The following ADAMTS3 variants were observed in gnomAD, a reference collection of about 807,000 sequenced individuals.
ADAMTS3 encodes the protein A disintegrin and metalloproteinase with thrombospondin motifs 3.
In ADAMTS3, 73 loss-of-function variants were observed where a neutral mutation model predicts 129.0. The ratio of observed to expected loss-of-function variants is 0.57; its 90% CI spans 0.47 to 0.69. The LOEUF (loss-of-function observed/expected upper bound fraction) is 0.69, where lower values mean the gene tolerates loss of function less well. Among genes scored for constraint, ADAMTS3 ranks in the 30% least tolerant of loss-of-function variants. The pLI is 0.00. For synonymous variants in ADAMTS3, 477 were observed against 510.8 expected (o/e 0.93, Z 0.89); for missense variants, 1,457 against 1,514.5 (o/e 0.96, Z 0.63).
intron 9 of ADAMTS3, among the ~76,000 whole-genome samples, chr4:72,318,905 T>TA (rs1719476509): frequency 6.6e-6 from 1 of 152,152 alleles, no homozygotes; most frequent in South Asian, 2.1e-4. Flanking sequence ...GCCAGGAAAG[T>TA]AAACCAAGCA....
chr4:72,492,756 T>C (rs1719779695), intron 3 of ADAMTS3, among the ~76,000 whole-genome samples: 1 of 151,874 alleles, frequency 6.6e-6, no homozygotes, highest in African/African-American at 2.4e-5. Context: ...CTGTTTATGG[T>C]TGATATTCAT....
At chr4:72,420,606 C>A (rs987866585) in intron 3 of ADAMTS3, among the ~76,000 whole-genome samples, 9 of 152,286 alleles carry the variant, frequency 5.9e-5, no homozygotes, top group South Asian at 2.1e-4. Context: ...CACCACTGCC[C>A]TTCTGGTCAG....
At chr4:72,331,308 C>T (rs1187776353) in intron 5 of ADAMTS3, among the ~76,000 whole-genome samples, 2 of 152,040 alleles carry the variant, frequency 1.3e-5, no homozygotes, top group Non-Finnish European at 2.9e-5. Context: ...GTTCAATCCA[C>T]ATTGGGGAAA....
At chr4:72,295,597 A>C in intron 19 of ADAMTS3, 57 bp downstream of exon 19, 1 of 1,550,080 alleles carries the variant, frequency 6.5e-7, no homozygotes, top group Non-Finnish European at 8.8e-7. Flanking sequence ...AAAAGAGCTA[A>C]AGGCAGTGAA....
chr4:72,369,259 A>C (rs1720944891), intron 4 of ADAMTS3, among the ~76,000 whole-genome samples: 4 of 152,184 alleles, frequency 2.6e-5, no homozygotes, highest in African/African-American at 7.2e-5. Context: ...TTACCCAAGA[A>C]CAACTTTTCA....
chr4:72,341,807 A>G (rs1238452611), intron 4 of ADAMTS3, among the ~76,000 whole-genome samples: 3 of 152,206 alleles, frequency 2.0e-5, no homozygotes, highest in African/African-American at 7.2e-5. Context: ...TTTTTATTGC[A>G]TAAGAAACCT....
intron 4 of ADAMTS3, among the ~76,000 whole-genome samples, chr4:72,379,703 C>A (rs1049565955): frequency 2.0e-5 from 3 of 151,992 alleles, no homozygotes; most frequent in Admixed American, 6.6e-5. Flanking sequence ...AGTTTTCTGG[C>A]AAATCTGTAG....
chr4:72,423,246 C>T (rs1871812), intron 3 of ADAMTS3, among the ~76,000 whole-genome samples: 101,530 of 151,958 alleles, frequency 0.67, 34,097 homozygotes, highest in South Asian at 0.79. Context: ...TCTGTTACAA[C>T]CTTATACTAG....
At chr4:72,555,960 C>T (rs1336708155) in intron 2 of ADAMTS3, among the ~76,000 whole-genome samples, 2 of 151,698 alleles carry the variant, frequency 1.3e-5, no homozygotes, top group Non-Finnish European at 1.5e-5. Context: ...CCCTGTCATG[C>T]CTCCTGTATA....
At position 72,339,643 on chromosome 4, in the gene ADAMTS3, G is replaced by C. The variant is rs1444827098; in HGVS notation, c.712C>G (p.His238Asp). 4 of 1,613,872 alleles carry C rather than the reference G, an allele frequency of 2.5e-6. No individual in the cohort carries two copies. The change falls in exon 5 of 22, where the codon CAC becomes GAC. Residue 238 changes from histidine (H) to aspartate (D), a missense_variant. Coordinates refer to ENST00000286657, the MANE Select transcript of ADAMTS3 (RefSeq NM_014243.3). ...DDLGTVYGNIHQQLNETMRRR... is the reference protein window; with the variant it reads ...DDLGTVYGNIDQQLNETMRRR... Reference sequence around the variant, plus strand: ...CTCATTGTTTCATTCAGCTGCTGGTGGATGTTGCCATAAACAGTACCTAGA... The same window carrying C: ...CTCATTGTTTCATTCAGCTGCTGGTCGATGTTGCCATAAACAGTACCTAGA...
intron 3 of ADAMTS3, among the ~76,000 whole-genome samples, chr4:72,485,475 C>A (rs1382665491): frequency 5.3e-5 from 8 of 151,952 alleles, no homozygotes; most frequent in Admixed American, 4.6e-4. Context: ...CATTATCTTC[C>A]AGGCTTAATT....
intron 3 of ADAMTS3, among the ~76,000 whole-genome samples, chr4:72,474,571 C>G (rs1719173738): frequency 6.6e-6 from 1 of 151,608 alleles, no homozygotes; most frequent in African/African-American, 2.4e-5. Flanking sequence ...AAACAATATA[C>G]TTAAAAAAAA....
intron 4 of ADAMTS3, among the ~76,000 whole-genome samples, chr4:72,344,287 T>C (rs572819639): frequency 7.2e-5 from 11 of 152,104 alleles, no homozygotes; most frequent in African/African-American, 1.7e-4. Context: ...ATCATACTTA[T>C]AGGAAATCAA....
At chr4:72,380,595 C>T (rs1270250860) in intron 4 of ADAMTS3, among the ~76,000 whole-genome samples, 4 of 152,078 alleles carry the variant, frequency 2.6e-5, no homozygotes, top group Non-Finnish European at 5.9e-5. Flanking sequence ...TCTGGTAAGA[C>T]AAGAACACCA....
chr4:72,287,447 G>C (rs569572110), intron 21 of ADAMTS3, among the ~76,000 whole-genome samples: 3 of 148,048 alleles, frequency 2.0e-5, no homozygotes, highest in African/African-American at 5.0e-5. Flanking sequence ...TGAAGGGGAG[G>C]ACACCGAGAA....
intron 3 of ADAMTS3, among the ~76,000 whole-genome samples, chr4:72,539,160 G>A (rs1721254238): frequency 6.6e-6 from 1 of 151,888 alleles, no homozygotes; most frequent in Non-Finnish European, 1.5e-5. Flanking sequence ...AAATAAATTG[G>A]ACTTCATGAA....
chr4:72,488,763 G>A (rs1186114788), intron 3 of ADAMTS3, among the ~76,000 whole-genome samples: 1 of 151,796 alleles, frequency 6.6e-6, no homozygotes, highest in Non-Finnish European at 1.5e-5. Context: ...ACCTCATGTA[G>A]TCATCAATAT....
rs113759552 is a variant in ADAMTS3, at chr4:72,514,642, T to C, written c.504+33836A>G. Among the ~76,000 whole-genome samples, 944 of 152,278 alleles carry C rather than the reference T, an allele frequency of 6.2e-3. 18 individuals carry two copies. The highest frequency in any genetic ancestry group is 0.022 in the African/African-American group (896 of 41,566). ...CCTGTAGTTAGTATTCACTACCGAC[T>C]GGATGGTAAACTTTTTGAGAGTAAG... On this transcript the variant is annotated intron_variant, in intron 3 of 21. Coordinates refer to ENST00000286657, the MANE Select transcript of ADAMTS3 (RefSeq NM_014243.3).
chr4:72,567,280 G>A (rs1722040948), intron 2 of ADAMTS3, 94 bp downstream of exon 2: 1 of 1,254,976 alleles, frequency 8.0e-7, no homozygotes, highest in Non-Finnish European at 1.1e-6. Flanking sequence ...TTAACCACCA[G>A]TGGGAAACAT....
Sources: allele counts gnomAD v4.1 joint callset (sites outside exome capture counted in the v4.1 genomes callset), GRCh38; gene constraint gnomAD v4.1.1; transcripts MANE v1.5; gene names NCBI Gene and HGNC (gene_info 2026-07-23, HGNC 2026-07-21).